PCNT: variants seen among roughly 807,000 people sequenced by gnomAD.
PCNT encodes the protein pericentrin.
A neutral mutation model predicts 380.4 loss-of-function variants in PCNT; 319 were observed. The observed-to-expected ratio is 0.84, with a 90% CI of 0.77 to 0.92. The LOEUF (loss-of-function observed/expected upper bound fraction) is 0.92, where lower values mean the gene tolerates loss of function less well. PCNT is among the 40% of genes least tolerant of loss of function. PCNT has a pLI of 0.00. For synonymous variants in PCNT, 1,845 were observed against 1,735.2 expected, an observed-to-expected ratio of 1.06 and a Z score of -1.57; for missense variants, 4,400 against 4,255.3, an observed-to-expected ratio of 1.03 and a Z score of -0.95.
intron 11 of PCNT, 77 bp downstream of exon 11, chr21:46,354,145 G>A: frequency 7.7e-7 from 1 of 1,297,376 alleles, no homozygotes; most frequent in South Asian, 1.2e-5. Context: ...ACATTATAGA[G>A]CCTGTGTTTC....
intron 38 of PCNT, among the ~76,000 whole-genome samples, chr21:46,434,002 C>T (rs1431095190): frequency 6.6e-6 from 1 of 152,150 alleles, no homozygotes; most frequent in Non-Finnish European, 1.5e-5. Flanking sequence ...GTCTTGAACT[C>T]CTGACCTTGT....
At position 46,411,373 on chromosome 21, in the gene PCNT, A is replaced by C. The variant is rs753825491; in HGVS notation, c.5300A>C (p.Gln1767Pro). 6 of 1,613,888 alleles carry C rather than the reference A, an allele frequency of 3.7e-6. No individual in the cohort carries two copies. The highest frequency in any genetic ancestry group is 5.1e-6 in the Non-Finnish European group (6 of 1,180,022). The stretch of plus-strand genomic sequence containing the variant: ...GTGGTGCACGAAGTCAGCGACAGTC[A>C]GGCTGGCAGTCTGCAGAGCGAGCTG... The part of the protein sequence containing the change: ...GPVVHEVSDS[Q>P]AGSLQSELLC... The change falls in exon 28 of 47, where the codon CAG (glutamine) becomes CCG (proline). Residue 1767 changes from glutamine (Q) to proline (P), a missense_variant. Physicochemically the swap from Gln to Pro is moderately conservative, Grantham distance 76 (BLOSUM62 -1). Coordinates refer to ENST00000359568, the MANE Select transcript of PCNT (RefSeq NM_006031.6).
At chr21:46,348,926 T>G in intron 6 of PCNT, 86 bp from the exon 7 acceptor site, 1 of 931,152 alleles carries the variant, frequency 1.1e-6, no homozygotes, top group Non-Finnish European at 1.8e-6. Flanking sequence ...TTGCCTGGCC[T>G]GCTCAGAGGT....
chr21:46,360,239 T>TTTTAAAG (rs1375016190), intron 13 of PCNT, among the ~76,000 whole-genome samples: 2 of 143,346 alleles, frequency 1.4e-5, no homozygotes, highest in South Asian at 2.3e-4. Flanking sequence ...TTTTTTTTTT[T>TTTTAAAG]AAAGACGGAA....
intron 44 of PCNT, 68 bp from the exon 45 acceptor site, chr21:46,443,742 A>G: frequency 6.8e-7 from 1 of 1,466,418 alleles, no homozygotes; most frequent in South Asian, 1.1e-5. Flanking sequence ...CTGTTGATAG[A>G]TGGGCCTTTA....
intron 3 of PCNT, among the ~76,000 whole-genome samples, chr21:46,337,721 T>C (rs886705857): frequency 2.0e-5 from 3 of 152,216 alleles, no homozygotes; most frequent in African/African-American, 7.2e-5. Context: ...TTGCTGGGAT[T>C]ACAGGCATGC....
At chr21:46,415,493 C>G (rs1246864162) in intron 29 of PCNT, among the ~76,000 whole-genome samples, 1 of 145,110 alleles carries the variant, frequency 6.9e-6, no homozygotes, top group Non-Finnish European at 1.5e-5. Context: ...TCAAGCAATT[C>G]ACTGCCTCAG....
intron 41 of PCNT, 42 bp from the exon 42 acceptor site, chr21:46,440,041 A>G (rs1255254721): frequency 6.2e-7 from 1 of 1,613,298 alleles, no homozygotes; most frequent in Admixed American, 1.7e-5. Context: ...GCTCTTGTTG[A>G]CGAGCAGCTC....
chr21:46,416,638 C>T lies in PCNT; in HGVS notation c.6720C>T (p.Pro2240=), dbSNP rs1206542699. ...LRKDWTLEPW[P]SLPVTPHSGA... is the part of the protein sequence containing the mutation. The stretch of plus-strand genomic sequence containing the variant: ...AGGACTGGACCCTGGAGCCCTGGCC[C>T]AGCCTCCCCGTGACACCCCACTCAG... The change falls in exon 30 of 47, where the codon CCC becomes CCT. Residue 2240 remains proline (P), a synonymous_variant. Transcript: ENST00000359568. The T allele has an allele frequency of 3.2e-6, 5 of 1,569,320 alleles. No homozygotes were observed. In the East Asian group the frequency reaches 6.7e-5, roughly 21 times the overall value.
chr21:46,418,975 C>T (rs1390827336), intron 31 of PCNT, among the ~76,000 whole-genome samples: 1 of 152,222 alleles, frequency 6.6e-6, no homozygotes, highest in Non-Finnish European at 1.5e-5. Context: ...TATTCTCTTC[C>T]CTCTCATGCT....
At chr21:46,334,164 C>T (rs1451782791) in intron 2 of PCNT, among the ~76,000 whole-genome samples, 1 of 150,222 alleles carries the variant, frequency 6.7e-6, no homozygotes, top group Non-Finnish European at 1.5e-5. Context: ...GAGATTGTGC[C>T]ACTGCACTCC....
At chr21:46,386,453 G>T (rs898341313) in intron 17 of PCNT, among the ~76,000 whole-genome samples, 1 of 152,222 alleles carries the variant, frequency 6.6e-6, no homozygotes, top group Non-Finnish European at 1.5e-5. Context: ...AGGGGCCGTA[G>T]CCCTGTCCGT....
chr21:46,328,555 G>A (rs917485736), intron 2 of PCNT, among the ~76,000 whole-genome samples: 3 of 152,010 alleles, frequency 2.0e-5, no homozygotes, highest in Non-Finnish European at 4.4e-5. Context: ...CTGCCTCCTG[G>A]GTTCAAGCGA....
chr21:46,443,866 C>A lies in PCNT; in HGVS notation c.9757C>A (p.Arg3253=), dbSNP rs201316266. Residue 3253 remains arginine (R), a synonymous_variant, in exon 45 of 47, where the codon CGG becomes AGG. Coordinates refer to ENST00000359568, the MANE Select transcript of PCNT (RefSeq NM_006031.6). Reference sequence around the variant, plus strand: ...CAGAACCAGAGAGTCCCCCCCAACCCGGGATGTACCCTCTGGCCACACCAG... The same window carrying A: ...CAGAACCAGAGAGTCCCCCCCAACCAGGGATGTACCCTCTGGCCACACCAG... The part of the protein sequence containing the change: ...PPRTRESPPT[R]DVPSGHTRDP... The A allele has an allele frequency of 7.4e-6, 12 of 1,613,286 alleles. No homozygotes were observed. Among genetic ancestry groups the A allele is most frequent in the Non-Finnish European group, 9.3e-6 (11 of 1,179,966 alleles).
At chr21:46,372,853 G>A (rs949311752) in intron 15 of PCNT, among the ~76,000 whole-genome samples, 6 of 152,200 alleles carry the variant, frequency 3.9e-5, no homozygotes, top group Non-Finnish European at 7.3e-5. Flanking sequence ...TGGGTATCGT[G>A]TGGGTCTGTC....
At position 46,431,603 on chromosome 21, in the gene PCNT, G is replaced by A. The variant is rs769053884; in HGVS notation, c.8139G>A (p.Thr2713=). 3.2e-5 allele frequency: 51 copies of A among 1,613,958 alleles called. No individual in the cohort carries two copies. The highest frequency in any genetic ancestry group is 2.0e-4 in the Admixed American group (12 of 60,006). ...GCGTGGCACTGAAACACGAGCAGACGGCCAAGGACAACCTGCAGAAGGAGC... is the reference window on the plus strand; with the variant it reads ...GCGTGGCACTGAAACACGAGCAGACAGCCAAGGACAACCTGCAGAAGGAGC... ...RLCVALKHEQ[T]AKDNLQKELR... The change falls in exon 38 of 47, where the codon ACG becomes ACA. Residue 2713 remains threonine, a synonymous_variant. Coordinates refer to ENST00000359568, the MANE Select transcript of PCNT (RefSeq NM_006031.6).
In PCNT at chr21:46,389,190, A is replaced by T. The variant is rs745736795; in HGVS notation, c.3608-9A>T. 6.2e-7 allele frequency: 1 copy of T among 1,613,466 alleles called. No homozygotes were observed. On this transcript the variant is annotated splice_polypyrimidine_tract_variant and intron_variant, in intron 18 of 46. Coordinates refer to ENST00000359568, the MANE Select transcript of PCNT (RefSeq NM_006031.6). ...GAGCCGCGTGTGCCGGCATCTGCTC[A>T]TCTTGTAGCTCCGGCGCTGGAGGAG...
rs761724369 is a variant in PCNT at position 46,411,884 on chromosome 21, C to T, written c.5811C>T (p.His1937=). The change falls in exon 28 of 47, where the codon CAC becomes CAT. Residue 1937 remains histidine, a synonymous_variant. Coordinates refer to ENST00000359568, the MANE Select transcript of PCNT (RefSeq NM_006031.6). ...ARLSRQLQVL[H]QRFLRCQVEL... ...TCAGCCGCCAGCTGCAGGTGCTGCA[C>T]CAGCGGTTCCTGAGGTGCCAGGTGG... The T allele has an allele frequency of 1.3e-5, 21 of 1,574,272 alleles. No individual in the cohort carries two copies. Among genetic ancestry groups the T allele is most frequent in the African/African-American group, 2.7e-5 (2 of 74,520 alleles).
rs11702819 is a variant in PCNT at position 46,375,652 on chromosome 21, G to A, written c.3166-6042G>A. On this transcript the variant is annotated intron_variant, in intron 15 of 46. Transcript: ENST00000359568. The stretch of plus-strand genomic sequence containing the variant: ...TGGCTGAGGACGCACGCTTCTGCTC[G>A]ACATTGTGGCCGAGCCGAGGCCCTG... Among the ~76,000 whole-genome samples the A allele has an allele frequency of 9.1e-3, 1,385 of 152,280 alleles. 12 individuals carry two copies. The highest frequency in any genetic ancestry group is 0.013 in the Non-Finnish European group (851 of 68,016).
Sources: allele counts gnomAD v4.1 joint callset (sites outside exome capture counted in the v4.1 genomes callset), GRCh38; gene constraint gnomAD v4.1.1; transcripts MANE v1.5; gene names NCBI Gene and HGNC (gene_info 2026-07-23, HGNC 2026-07-21).